The following BBS7 variants were observed in gnomAD, a reference collection of about 807,000 sequenced individuals.
BBS7 encodes the protein BBSome complex member BBS7.
BBS7 carries 50 observed loss-of-function variants against 90.3 expected under a neutral mutation model. That is an observed-to-expected ratio of 0.55 (90% confidence interval 0.44 to 0.70). The LOEUF (loss-of-function observed/expected upper bound fraction) is 0.70, where lower values mean the gene tolerates loss of function less well. Among genes scored for constraint, BBS7 ranks in the 30% least tolerant of loss-of-function variants. The probability of loss-of-function intolerance (pLI) is 0.00; values close to 1 mark genes in which losing one functional copy is unlikely to be tolerated. For synonymous variants in BBS7, 235 were observed against 287.4 expected (o/e 0.82, Z 1.85); for missense variants, 729 against 838.9 (o/e 0.87, Z 1.62).
chr4:121,830,900 A>G (rs2149051281), intron 15 of BBS7, among the ~76,000 whole-genome samples: 1 of 152,350 alleles, frequency 6.6e-6, no homozygotes, highest in South Asian at 2.1e-4. Context: ...AACTTAGAGA[A>G]ATAAGTTTGT....
chr4:121,868,103 A>G (rs1401965623), intron 1 of BBS7, 57 bp from the exon 2 acceptor site: 2 of 1,403,628 alleles, frequency 1.4e-6, no homozygotes, highest in African/African-American at 1.4e-5. Context: ...ACAGAGATTA[A>G]AATAAGTTAT....
At chr4:121,864,836 T>C (rs928726722) in intron 2 of BBS7, among the ~76,000 whole-genome samples, 5 of 152,208 alleles carry the variant, frequency 3.3e-5, no homozygotes, top group Non-Finnish European at 7.3e-5. Context: ...ACATATAACA[T>C]ATACTGATCA....
chr4:121,861,755 T>G (rs1249839469), intron 3 of BBS7, 76 bp from the exon 4 acceptor site: 1 of 1,511,356 alleles, frequency 6.6e-7, no homozygotes, highest in African/African-American at 1.4e-5. Context: ...ATAGAAAATG[T>G]TATGATGTTA....
At chr4:121,860,285 A>G (rs1458052494) in intron 4 of BBS7, among the ~76,000 whole-genome samples, 1 of 152,118 alleles carries the variant, frequency 6.6e-6, no homozygotes, top group African/African-American at 2.4e-5. Flanking sequence ...AGCAATCTCT[A>G]TTGTTGACAT....
chr4:121,848,841 T>C lies in BBS7; in HGVS notation c.934+3A>G. The C allele has an allele frequency of 6.2e-7, 1 of 1,611,568 alleles. No homozygotes were observed. Among genetic ancestry groups the C allele is most frequent in the Non-Finnish European group, 8.5e-7 (1 of 1,178,044 alleles). On this transcript the variant is annotated splice_donor_region_variant and intron_variant, in intron 9 of 18. Transcript: ENST00000264499. ...TTCAATTACCTATTATCATTTACTT[T>C]ACCTGAATATGTGGACACCACGATT...
rs1325464741 is a variant in BBS7, at chr4:121,825,394, T to G, written c.*466A>C. 6.5e-6 allele frequency: 1 copy of G among 154,206 alleles called. No individual in the cohort carries two copies. The highest frequency in any genetic ancestry group is 1.4e-5 in the Non-Finnish European group (1 of 69,510). 9.6% of individuals were successfully genotyped at this position (154,206 alleles called of 1,614,324 possible). ...TTTACAAAATATTAGCATGTCCTCT[T>G]AATCACAAAATTTCACTGAGAATCA... On this transcript the variant is annotated 3_prime_UTR_variant, in exon 19 of 19. Transcript: ENST00000264499.
chr4:121,840,431 C>T (rs966629063), intron 12 of BBS7, among the ~76,000 whole-genome samples: 2 of 152,074 alleles, frequency 1.3e-5, no homozygotes. Context: ...GCACATACAC[C>T]AGAGTTTAAT....
chr4:121,855,908 A>G (rs1024718458), intron 5 of BBS7, among the ~76,000 whole-genome samples: 1 of 141,314 alleles, frequency 7.1e-6, no homozygotes, highest in Non-Finnish European at 1.5e-5. Context: ...ATGTGTATAT[A>G]TGTATATATG....
intron 5 of BBS7, among the ~76,000 whole-genome samples, chr4:121,855,819 TATAC>T (rs1437687171): frequency 4.0e-5 from 6 of 151,868 alleles, no homozygotes; most frequent in African/African-American, 9.7e-5. Flanking sequence ...TACACACATG[TATAC>T]ATATATACAC....
chr4:121,832,038 AC>A (rs1725213141), intron 15 of BBS7, among the ~76,000 whole-genome samples: 1 of 151,198 alleles, frequency 6.6e-6, no homozygotes, highest in Non-Finnish European at 1.5e-5. Context: ...ACACACACAC[AC>A]ACACAAAACA....
chr4:121,828,111 A>C (rs1292489433), intron 18 of BBS7, 35 bp downstream of exon 18: 7 of 1,610,724 alleles, frequency 4.3e-6, no homozygotes, highest in Non-Finnish European at 5.9e-6. Flanking sequence ...AGTTGAAAAG[A>C]AATATGGCAA....
At position 121,861,545 on chromosome 4, in the gene BBS7, G is replaced by A. The variant is rs750255237; in HGVS notation, c.300C>T (p.Phe100=). ...CAGTGAGGTTTGTTTCAAAGGAGAG[G>A]AACTGTTTTCCTCTTTTTGTGAAGC... is the stretch of plus-strand genomic sequence containing the variant. The part of the protein sequence containing the change: ...IRGFTKRGKQ[F]LSFETNLTES... Residue 100 remains phenylalanine, a synonymous_variant, in exon 4 of 19, where the codon TTC becomes TTT. Transcript: ENST00000264499. The A allele has an allele frequency of 1.9e-6, 3 of 1,613,590 alleles. No individual in the cohort carries two copies. The highest frequency in any genetic ancestry group is 1.7e-6 in the Non-Finnish European group (2 of 1,179,694).
intron 14 of BBS7, 69 bp downstream of exon 14, chr4:121,835,075 A>T: frequency 6.5e-7 from 1 of 1,536,110 alleles, no homozygotes; most frequent in Non-Finnish European, 8.9e-7. Context: ...TTACACTATA[A>T]AAATAAAAAA....
At chr4:121,830,354 T>C (rs1219025680) in intron 15 of BBS7, among the ~76,000 whole-genome samples, 2 of 152,134 alleles carry the variant, frequency 1.3e-5, no homozygotes, top group African/African-American at 2.4e-5. Context: ...TGAGCTGAGA[T>C]TGAGACACTG....
rs975444339 is a variant in BBS7, at chr4:121,870,447, T to A, written c.-134A>T. 66 of 943,822 alleles carry A rather than the reference T, an allele frequency of 7.0e-5. 1 individual carries two copies. Among genetic ancestry groups the A allele is most frequent in the Non-Finnish European group, 9.0e-5 (53 of 591,682 alleles). The allele number at this position is 943,822 out of a possible 1,614,324, so 58.5% of individuals were successfully genotyped here. ...GCCAGCCCCAGCTACCGCGCCTAGG[T>A]CCTGGGCTGCACAGGCGGGGCGACA... On this transcript the variant is annotated 5_prime_UTR_variant, in exon 1 of 19. Transcript: ENST00000264499.
Position 121,869,304 on chromosome 4 carries a change from A to T in BBS7, c.36+974T>A, listed in dbSNP as rs150913740. 9.0e-3 allele frequency among the ~76,000 whole-genome samples: 1,371 copies of T among 152,296 alleles called. 30 individuals carry two copies. Among genetic ancestry groups the T allele is most frequent in the African/African-American group, 0.031 (1,285 of 41,548 alleles). ...GGGTAGAGAGAATTTTAGGTCTGAA[A>T]GAAATTCTGAAAGGCAGTGTAGTGT... On this transcript the variant is annotated intron_variant, in intron 1 of 18. Coordinates refer to ENST00000264499, the MANE Select transcript of BBS7 (RefSeq NM_176824.3).
chr4:121,846,830 G>A (rs916786540), intron 10 of BBS7, among the ~76,000 whole-genome samples: 2 of 152,118 alleles, frequency 1.3e-5, no homozygotes, highest in African/African-American at 4.8e-5. Flanking sequence ...GTTGAAATGG[G>A]GAGAGCAGTC....
chr4:121,849,003 G>A (rs1473925625), intron 8 of BBS7, 75 bp from the exon 9 acceptor site: 15 of 1,099,062 alleles, frequency 1.4e-5, no homozygotes, highest in Non-Finnish European at 1.8e-5. Context: ...GCCACACAAC[G>A]TTTTCCCTGG....
At chr4:121,867,891 A>G (rs1578577128) in intron 2 of BBS7, 90 bp downstream of exon 2, 1 of 1,138,346 alleles carries the variant, frequency 8.8e-7, no homozygotes, top group Non-Finnish European at 1.3e-6. Flanking sequence ...TAGCATTTTT[A>G]AGAGAATAAC....
Sources: gnomAD v4.1 joint callset for allele counts (sites outside exome capture counted in the v4.1 genomes callset) on GRCh38, gnomAD v4.1.1 for gene constraint, MANE v1.5 for transcripts, NCBI Gene and HGNC (gene_info 2026-07-23, HGNC 2026-07-21) for gene names.